SLC9A8: variants seen among roughly 807,000 people sequenced by gnomAD.
SLC9A8 encodes the protein sodium/hydrogen exchanger 8.
SLC9A8 carries 48 observed loss-of-function variants against 66.6 expected under a neutral mutation model. The ratio of observed to expected loss-of-function variants is 0.72; its 90% CI spans 0.57 to 0.92. The LOEUF (loss-of-function observed/expected upper bound fraction) is 0.92. Ranked by LOEUF, SLC9A8 falls within the 40% of genes least tolerant of loss-of-function variation. The pLI is 0.00. For synonymous variants in SLC9A8, 274 were observed against 282.6 expected (o/e 0.97, Z 0.31); for missense variants, 599 against 747.3 (o/e 0.80, Z 2.31).
chr20:49,872,383 A>G (rs529885253), intron 10 of SLC9A8, among the ~76,000 whole-genome samples: 9 of 151,988 alleles, frequency 5.9e-5, no homozygotes, highest in East Asian at 3.9e-4. Context: ...TAGGTTTCCT[A>G]TATTTTGTAG....
intron 10 of SLC9A8, among the ~76,000 whole-genome samples, chr20:49,870,204 A>G (rs904658200): frequency 1.3e-5 from 2 of 152,270 alleles, no homozygotes; most frequent in African/African-American, 4.8e-5. Flanking sequence ...GGCTACATTT[A>G]TAAACAACAC....
At chr20:49,825,067 A>G (rs2086868154) in intron 3 of SLC9A8, among the ~76,000 whole-genome samples, 1 of 152,248 alleles carries the variant, frequency 6.6e-6, no homozygotes, top group Non-Finnish European at 1.5e-5. Context: ...GACAAAAGCC[A>G]GAATGCTAAG....
chr20:49,875,583 C>G (rs944815903), intron 11 of SLC9A8, among the ~76,000 whole-genome samples: 2 of 152,070 alleles, frequency 1.3e-5, no homozygotes, highest in Non-Finnish European at 2.9e-5. Flanking sequence ...TCTTGTTCCC[C>G]CACGCTCCGA....
intron 13 of SLC9A8, among the ~76,000 whole-genome samples, chr20:49,882,728 C>T (rs2089676754): frequency 6.6e-6 from 1 of 152,198 alleles, no homozygotes; most frequent in Non-Finnish European, 1.5e-5. Flanking sequence ...GCCCGGTGGC[C>T]TGGCTAGCCG....
chr20:49,873,342 C>T (rs942250526), intron 10 of SLC9A8, among the ~76,000 whole-genome samples: 4 of 151,722 alleles, frequency 2.6e-5, no homozygotes, highest in Non-Finnish European at 4.4e-5. Context: ...ATTAGCTGGG[C>T]GTGGTGGTAT....
chr20:49,830,697 T>G, intron 3 of SLC9A8: 1 of 677,790 alleles, frequency 1.5e-6, no homozygotes, highest in East Asian at 2.6e-5. Flanking sequence ...AGGGAAGACC[T>G]CCTCCTTCCT....
chr20:49,887,655 C>T (rs758951707), intron 15 of SLC9A8, among the ~76,000 whole-genome samples, 174 bp from the exon 16 acceptor site: 3 of 152,198 alleles, frequency 2.0e-5, no homozygotes, highest in Non-Finnish European at 4.4e-5. Flanking sequence ...CCTCCACCCC[C>T]ACAAAGAACA....
chr20:49,890,663 G>A lies in SLC9A8; in HGVS notation c.*2727G>A, dbSNP rs2090021172. 6.6e-6 allele frequency: 1 copy of A among 152,336 alleles called. No individual in the cohort carries two copies. The highest frequency in any genetic ancestry group is 6.5e-5 in the Admixed American group (1 of 15,282). 9.4% of individuals were successfully genotyped at this position (152,336 alleles called of 1,614,324 possible). A position where few individuals can be genotyped will look rare whatever the true frequency, so the allele number is the denominator to read the frequency against. On this transcript the variant is annotated 3_prime_UTR_variant, in exon 16 of 16. Coordinates refer to ENST00000361573, the MANE Select transcript of SLC9A8 (RefSeq NM_015266.3). ...CTTGTGTGGGGTCTCGCAGGGAAAA[G>A]GGCTGGCTTCTAGGTCCCCGAGATA...
intron 2 of SLC9A8, among the ~76,000 whole-genome samples, chr20:49,821,111 C>A (rs2086723752): frequency 6.6e-6 from 1 of 152,158 alleles, no homozygotes; most frequent in Non-Finnish European, 1.5e-5. Context: ...TTTTTAATGG[C>A]TGAAGGCTGT....
intron 4 of SLC9A8, among the ~76,000 whole-genome samples, chr20:49,841,034 G>A (rs981515847): frequency 5.3e-5 from 8 of 152,234 alleles, no homozygotes; most frequent in African/African-American, 1.9e-4. Context: ...GGCGGGTGCG[G>A]TGGCTCATGC....
intron 7 of SLC9A8, among the ~76,000 whole-genome samples, chr20:49,854,272 C>T (rs899708459): frequency 6.6e-6 from 1 of 152,146 alleles, no homozygotes. Flanking sequence ...GGAGCTGGTC[C>T]TGCCTCCCTC....
chr20:49,883,015 A>ACCCCCCT lies in SLC9A8; in HGVS notation c.1271-824_1271-818dup, dbSNP rs2089690241. On this transcript the variant is annotated intron_variant, in intron 13 of 15. Transcript: ENST00000361573. ...TGCACCATGCCCCCCCCCACCCCCC[A>ACCCCCCT]CCCCCCTCCCCCCACCATCTCTTCC... is the stretch of plus-strand genomic sequence containing the variant. Among the ~76,000 whole-genome samples the ACCCCCCT allele has an allele frequency of 2.0e-4, 11 of 55,576 alleles. No individual in the cohort carries two copies. In the South Asian group the frequency reaches 2.9e-3, roughly 15 times the overall value. 36.5% of individuals were successfully genotyped at this position (55,576 alleles called of 152,430 possible). A position where few individuals can be genotyped will look rare whatever the true frequency, so the allele number is the denominator to read the frequency against.
Position 49,886,635 on chromosome 20 carries a change from G to A in SLC9A8, c.1492-117G>A. The A allele has an allele frequency of 8.1e-7, 1 of 1,228,526 alleles. No homozygotes were observed. Among genetic ancestry groups the A allele is most frequent in the Non-Finnish European group, 1.1e-6 (1 of 879,436 alleles). The allele number at this position is 1,228,526 out of a possible 1,614,324, so 76.1% of individuals were successfully genotyped here. A position where few individuals can be genotyped will look rare whatever the true frequency, so the allele number is the denominator to read the frequency against. The stretch of plus-strand genomic sequence containing the variant: ...CTGCTGCCCGTCACCCTGCATTGAT[G>A]GTCAAGTGGAGTTAGGGTTGGGGAC... On this transcript the variant is annotated intron_variant, in intron 14 of 15. Transcript: ENST00000361573. This position sits in a 1 kb window ranked among gnomAD's most constrained non-coding sequence, Gnocchi z 4.8.
intron 8 of SLC9A8, among the ~76,000 whole-genome samples, chr20:49,860,172 A>G (rs139251386): frequency 7.2e-5 from 11 of 152,270 alleles, no homozygotes; most frequent in African/African-American, 2.4e-4. Flanking sequence ...CACTTTTCCA[A>G]TATGAGCCCT....
At chr20:49,881,445 C>T (rs2089623610) in intron 13 of SLC9A8, among the ~76,000 whole-genome samples, 1 of 152,116 alleles carries the variant, frequency 6.6e-6, no homozygotes, top group South Asian at 2.1e-4. Flanking sequence ...GGATATTTTT[C>T]CTTTTAGTCA....
At chr20:49,859,647 T>A (rs923663081) in intron 8 of SLC9A8, among the ~76,000 whole-genome samples, 13 of 152,132 alleles carry the variant, frequency 8.5e-5, no homozygotes, top group African/African-American at 3.1e-4. Context: ...TGTAAATGAG[T>A]TACCCCCTTT....
chr20:49,851,417 C>G (rs1433111547), intron 7 of SLC9A8, among the ~76,000 whole-genome samples: 5 of 152,228 alleles, frequency 3.3e-5, no homozygotes, highest in African/African-American at 1.2e-4. Flanking sequence ...AGGCAGTTGT[C>G]TCTCAGAAGG....
chr20:49,831,402 A>ACT (rs11469884), intron 3 of SLC9A8, among the ~76,000 whole-genome samples: 9,828 of 142,740 alleles, frequency 0.069, 366 homozygotes, highest in East Asian at 0.16. Flanking sequence ...ACACACACAC[A>ACT]CTCTCTCTCT....
At chr20:49,821,876 A>T (rs2086751242) in intron 2 of SLC9A8, among the ~76,000 whole-genome samples, 1 of 152,066 alleles carries the variant, frequency 6.6e-6, no homozygotes, top group East Asian at 1.9e-4. Context: ...GTTAGACATT[A>T]TTCTGTTTTG....
Sources: allele counts gnomAD v4.1 joint callset (sites outside exome capture counted in the v4.1 genomes callset), GRCh38; gene constraint gnomAD v4.1.1; non-coding constraint Gnocchi (gnomAD v3.1); transcripts MANE v1.5; gene names NCBI Gene and HGNC (gene_info 2026-07-23, HGNC 2026-07-21).